Variants in ABCA13 observed in about 807,000 individuals in gnomAD.
ABCA13 encodes ATP-binding cassette sub-family A member 13.
A neutral mutation model predicts 478.7 loss-of-function variants in ABCA13; 476 were observed. The ratio of observed to expected loss-of-function variants is 0.99; its 90% CI spans 0.92 to 1.07. The LOEUF is 1.07. ABCA13 is among the 50% of genes least tolerant of loss of function. The pLI is 0.00. For synonymous variants in ABCA13, 2,252 were observed against 2,158.9 expected (o/e 1.04, Z -1.20); for missense variants, 6,060 against 5,910.6 (o/e 1.03, Z -0.83).
intron 57 of ABCA13, among the ~76,000 whole-genome samples, chr7:48,589,700 A>G (rs1789537004): frequency 6.6e-6 from 1 of 152,118 alleles, no homozygotes; most frequent in African/African-American, 2.4e-5. Flanking sequence ...AGAGAACAGA[A>G]ATTCAGGTTT....
Position 48,528,342 on chromosome 7 carries a change from TGG to T in ABCA13, c.14354_14354+1del, listed in dbSNP as rs1210312569. The stretch of plus-strand genomic sequence containing the variant: ...GGACATGCTATCATCAGGACTCCCA[TGG>T]GGTAAGATACAGATTTCATCATTTT... On this transcript the variant is annotated frameshift_variant and splice_region_variant, in exon 55 of 62. Coordinates refer to ENST00000435803, the MANE Select transcript of ABCA13 (RefSeq NM_152701.5). LOFTEE classifies it high-confidence loss of function. 2 of 1,549,848 alleles carry T rather than the reference TGG, an allele frequency of 1.3e-6. No homozygotes were observed. The highest frequency in any genetic ancestry group is 3.9e-5 in the Admixed American group (2 of 50,758).
At chr7:48,345,294 T>C (rs1211773677) in intron 29 of ABCA13, among the ~76,000 whole-genome samples, 1 of 152,190 alleles carries the variant, frequency 6.6e-6, no homozygotes, top group East Asian at 1.9e-4. Flanking sequence ...GTGTACTTCA[T>C]ATATATATTT....
intron 38 of ABCA13, among the ~76,000 whole-genome samples, chr7:48,397,595 T>C (rs557741232): frequency 1.9e-4 from 29 of 152,224 alleles, no homozygotes; most frequent in South Asian, 1.9e-3. Context: ...GAGAGCAGCA[T>C]TGGAAAATGA....
intron 9 of ABCA13, 21 bp from the exon 10 acceptor site, chr7:48,240,845 AT>A: frequency 6.7e-7 from 1 of 1,484,500 alleles, no homozygotes; most frequent in Non-Finnish European, 9.0e-7. Flanking sequence ...TAATGCTAGT[AT>A]TTTGGTTTCC....
chr7:48,188,094 C>G (rs140824360), intron 1 of ABCA13, among the ~76,000 whole-genome samples: 37,276 of 151,962 alleles, frequency 0.25, 4,879 homozygotes, highest in Admixed American at 0.3. Flanking sequence ...CCTGTATGCT[C>G]TAATCATCTA....
chr7:48,388,006 C>A, intron 36 of ABCA13, 47 bp downstream of exon 36: 2 of 1,570,276 alleles, frequency 1.3e-6, no homozygotes, highest in Non-Finnish European at 1.7e-6. Context: ...TTCCTTTGAT[C>A]CATTTTGATT....
chr7:48,551,249 T>C (rs1785297675), intron 55 of ABCA13, among the ~76,000 whole-genome samples: 1 of 148,966 alleles, frequency 6.7e-6, no homozygotes, highest in African/African-American at 2.5e-5. Context: ...CCTTGGTATA[T>C]GGCTAGGGCT....
At chr7:48,499,552 A>G (rs1585604790) in intron 48 of ABCA13, among the ~76,000 whole-genome samples, 1 of 152,376 alleles carries the variant, frequency 6.6e-6, no homozygotes, top group East Asian at 1.9e-4. Context: ...TCTGGAAACC[A>G]TAACAGATGT....
At chr7:48,179,762 T>G (rs1562711542) in intron 1 of ABCA13, among the ~76,000 whole-genome samples, 1 of 152,192 alleles carries the variant, frequency 6.6e-6, no homozygotes, top group Non-Finnish European at 1.5e-5. Context: ...AATAGTGCTG[T>G]GCTGTGATCC....
intron 58 of ABCA13, among the ~76,000 whole-genome samples, chr7:48,596,936 C>CT (rs902900931): frequency 2.6e-5 from 4 of 151,636 alleles, no homozygotes; most frequent in Non-Finnish European, 4.4e-5. Context: ...TGCTGCATCT[C>CT]TTTTTTTTAT....
intron 10 of ABCA13, among the ~76,000 whole-genome samples, chr7:48,244,192 T>C (rs1526100): frequency 0.73 from 110,940 of 152,168 alleles, 41,202 homozygotes; most frequent in East Asian, 0.99. Flanking sequence ...CTGTATACCA[T>C]CACACACCAT....
At chr7:48,446,645 A>G (rs979425464) in intron 42 of ABCA13, among the ~76,000 whole-genome samples, 1 of 152,146 alleles carries the variant, frequency 6.6e-6, no homozygotes, top group East Asian at 1.9e-4. Flanking sequence ...AGCCCATCCT[A>G]TGAAGGGCTA....
intron 59 of ABCA13, among the ~76,000 whole-genome samples, chr7:48,636,255 C>T (rs538578634): frequency 6.6e-6 from 1 of 152,328 alleles, no homozygotes; most frequent in Non-Finnish European, 1.5e-5. Context: ...CACAACTGTT[C>T]ACAAAGCAAG....
At chr7:48,359,267 C>T (rs560785801) in intron 31 of ABCA13, among the ~76,000 whole-genome samples, 28 of 151,964 alleles carry the variant, frequency 1.8e-4, no homozygotes, top group Non-Finnish European at 2.8e-4. Context: ...GAAAGTTCCT[C>T]CACCTACTGA....
intron 40 of ABCA13, among the ~76,000 whole-genome samples, chr7:48,411,062 T>TC (rs1411441583): frequency 7.7e-6 from 1 of 129,418 alleles, no homozygotes; most frequent in African/African-American, 2.9e-5. Flanking sequence ...TCTTTCTTTC[T>TC]TTCTTTCTTT....
chr7:48,244,154 G>T (rs1296661505), intron 10 of ABCA13, among the ~76,000 whole-genome samples: 1 of 152,136 alleles, frequency 6.6e-6, no homozygotes, highest in African/African-American at 2.4e-5. Context: ...TTGCCAATTG[G>T]CTCAAGTTGG....
At chr7:48,636,492 G>A (rs1794646349) in intron 59 of ABCA13, among the ~76,000 whole-genome samples, 1 of 152,110 alleles carries the variant, frequency 6.6e-6, no homozygotes, top group African/African-American at 2.4e-5. Flanking sequence ...TTCATGCCAG[G>A]GAGTCCAGGA....
chr7:48,490,788 C>T lies in ABCA13; in HGVS notation c.13291+1444C>T, dbSNP rs17132380. 8.7e-3 allele frequency among the ~76,000 whole-genome samples: 1,327 copies of T among 152,246 alleles called. 8 individuals are homozygous for T. The highest frequency in any genetic ancestry group is 0.029 in the South Asian group (139 of 4,814). ...TGACTGACATGATGAAGAGTATGGACTTTAGTAAGCAATGGACAGGCTTTA... is the reference window on the plus strand; with the variant it reads ...TGACTGACATGATGAAGAGTATGGATTTTAGTAAGCAATGGACAGGCTTTA... On this transcript the variant is annotated intron_variant, in intron 48 of 61. Transcript: ENST00000435803.
chr7:48,529,978 C>A (rs537979882), intron 55 of ABCA13, among the ~76,000 whole-genome samples: 5 of 151,992 alleles, frequency 3.3e-5, no homozygotes, highest in Non-Finnish European at 7.4e-5. Flanking sequence ...TGAATAAGTT[C>A]TTTAGTGGTG....
Sources: allele counts gnomAD v4.1 joint callset (sites outside exome capture counted in the v4.1 genomes callset), GRCh38; gene constraint gnomAD v4.1.1; transcripts MANE v1.5; gene names NCBI Gene and HGNC (gene_info 2026-07-23, HGNC 2026-07-21).